Variants in FOXP1 observed in about 807,000 individuals in gnomAD.
FOXP1 encodes forkhead box protein P1.
A neutral mutation model predicts 98.2 loss-of-function variants in FOXP1; 15 were observed. The ratio of observed to expected loss-of-function variants is 0.15; its 90% CI spans 0.10 to 0.24. The LOEUF (loss-of-function observed/expected upper bound fraction) is 0.24. FOXP1 is among the 10% of genes least tolerant of loss of function. The pLI is 1.00. For synonymous variants in FOXP1, 371 were observed against 314.5 expected (o/e 1.18, Z -1.90); for missense variants, 633 against 848.5 (o/e 0.75, Z 3.15).
At chr3:71,314,786 C>G (rs1036423002) in intron 4 of FOXP1, among the ~76,000 whole-genome samples, 2 of 151,888 alleles carry the variant, frequency 1.3e-5, no homozygotes, top group Admixed American at 1.3e-4. Context: ...GTCCCACCAA[C>G]TACCAAAAAA....
At chr3:71,445,127 A>T (rs117360564) in intron 3 of FOXP1, among the ~76,000 whole-genome samples, 2 of 152,270 alleles carry the variant, frequency 1.3e-5, no homozygotes, top group East Asian at 3.9e-4. Context: ...AGTGTTCTCC[A>T]TGGTACCTGT....
intron 5 of FOXP1, among the ~76,000 whole-genome samples, chr3:71,269,555 T>C (rs886084350): frequency 6.6e-6 from 1 of 152,146 alleles, no homozygotes; most frequent in African/African-American, 2.4e-5. Context: ...ACGAATTCCA[T>C]CTCAGCATTA....
intron 5 of FOXP1, among the ~76,000 whole-genome samples, chr3:71,238,262 A>G (rs1231763755): frequency 6.6e-6 from 1 of 152,214 alleles, no homozygotes; most frequent in East Asian, 1.9e-4. Context: ...TAAGCAAGTT[A>G]TTCAATCCGA....
intron 2 of FOXP1, among the ~76,000 whole-genome samples, chr3:71,545,825 C>G (rs994557977): frequency 1.3e-5 from 2 of 152,124 alleles, no homozygotes; most frequent in African/African-American, 4.8e-5. Context: ...TGCCATGTCC[C>G]TTTTGTTGCT....
At chr3:71,352,693 A>T (rs889138347) in intron 4 of FOXP1, among the ~76,000 whole-genome samples, 1 of 152,164 alleles carries the variant, frequency 6.6e-6, no homozygotes, top group Non-Finnish European at 1.5e-5. Flanking sequence ...TCTGGCATAC[A>T]GACAGTAAAG....
intron 7 of FOXP1, among the ~76,000 whole-genome samples, chr3:71,075,677 C>T (rs949095466): frequency 2.0e-5 from 3 of 151,588 alleles, no homozygotes; most frequent in African/African-American, 7.3e-5. Context: ...TGGTGATTTG[C>T]TAAACACTGA....
intron 7 of FOXP1, among the ~76,000 whole-genome samples, chr3:71,064,018 C>T (rs1370329456): frequency 6.6e-6 from 1 of 152,132 alleles, no homozygotes; most frequent in African/African-American, 2.4e-5. Flanking sequence ...CATTCAGAGC[C>T]GGTTCAGCTG....
chr3:70,977,646 C>T lies in FOXP1; in HGVS notation c.1425G>A (p.Arg475=). The change falls in exon 16 of 21, where the codon AGG becomes AGA. Residue 475 remains arginine, a synonymous_variant. Transcript: ENST00000649528. ...RPPFTYASLI[R]QAILESPEKQ... is the part of the protein sequence containing the mutation. ...ATATACTGTGTTATTTACTTACCTG[C>T]CTAATTAAAGATGCATATGTAAATG... 6 of 1,610,656 alleles carry T rather than the reference C, an allele frequency of 3.7e-6. No individual in the cohort carries two copies. The highest frequency in any genetic ancestry group is 5.1e-6 in the Non-Finnish European group (6 of 1,177,050).
chr3:71,004,301 T>C (rs1227672230), intron 12 of FOXP1, among the ~76,000 whole-genome samples: 2 of 151,996 alleles, frequency 1.3e-5, no homozygotes, highest in African/African-American at 2.4e-5. Flanking sequence ...TCAAGGAGAT[T>C]AGTAAAAAAA....
chr3:71,517,978 T>G (rs2042703351), intron 2 of FOXP1, among the ~76,000 whole-genome samples: 1 of 152,138 alleles, frequency 6.6e-6, no homozygotes, highest in South Asian at 2.1e-4. Context: ...AAATGTTAAG[T>G]CAACTCAGTA....
intron 7 of FOXP1, among the ~76,000 whole-genome samples, chr3:71,067,077 T>C (rs185361405): frequency 6.6e-5 from 10 of 151,596 alleles, no homozygotes; most frequent in Non-Finnish European, 8.8e-5. Context: ...ACTGGGGAGG[T>C]GGCATTTAAA....
intron 3 of FOXP1, among the ~76,000 whole-genome samples, chr3:71,486,657 A>C (rs2090674926): frequency 6.6e-6 from 1 of 152,242 alleles, no homozygotes; most frequent in Non-Finnish European, 1.5e-5. Flanking sequence ...GATAGCTTAT[A>C]TGTACTAATT....
At chr3:71,533,996 T>C (rs561702566) in intron 2 of FOXP1, among the ~76,000 whole-genome samples, 62 of 152,262 alleles carry the variant, frequency 4.1e-4, no homozygotes, top group African/African-American at 1.2e-3. Flanking sequence ...CGTCTGTATA[T>C]TGGGGGACTG....
At chr3:71,066,819 G>A (rs1362312043) in intron 7 of FOXP1, among the ~76,000 whole-genome samples, 1 of 152,216 alleles carries the variant, frequency 6.6e-6, no homozygotes, top group East Asian at 1.9e-4. Context: ...TCAGAAGGTG[G>A]ACTAACTCCT....
At chr3:71,582,655 C>A in intron 1 of FOXP1, 13 of 985,390 alleles carry the variant, frequency 1.3e-5, no homozygotes, top group Non-Finnish European at 1.6e-5. Context: ...GAGAGAGATC[C>A]GGGCGCGGCG....
At chr3:71,394,822 T>C (rs181718590) in intron 3 of FOXP1, among the ~76,000 whole-genome samples, 10 of 152,196 alleles carry the variant, frequency 6.6e-5, no homozygotes, top group Admixed American at 3.9e-4. Context: ...AACTGGAGGC[T>C]GGGCGCGGTG....
intron 7 of FOXP1, among the ~76,000 whole-genome samples, chr3:71,062,819 G>C (rs1196557325): frequency 6.6e-6 from 1 of 152,084 alleles, no homozygotes; most frequent in Non-Finnish European, 1.5e-5. Flanking sequence ...TCGTTCTTAG[G>C]GTTAAAAAAT....
intron 3 of FOXP1, among the ~76,000 whole-genome samples, chr3:71,371,664 C>T (rs868042780): frequency 2.0e-5 from 3 of 152,292 alleles, no homozygotes; most frequent in Middle Eastern, 3.4e-3. Context: ...GCACACCCAC[C>T]TGTGGTCCTA....
chr3:71,159,003 G>A (rs531232838), intron 6 of FOXP1, among the ~76,000 whole-genome samples: 1 of 151,526 alleles, frequency 6.6e-6, no homozygotes, highest in East Asian at 1.9e-4. Context: ...ATACTCTGGA[G>A]GCTGAGGTAG....
Sources: gnomAD v4.1 joint callset for allele counts (sites outside exome capture counted in the v4.1 genomes callset) on GRCh38, gnomAD v4.1.1 for gene constraint, MANE v1.5 for transcripts, NCBI Gene and HGNC (gene_info 2026-07-23, HGNC 2026-07-21) for gene names.